Variants in TMEM132D observed in about 807,000 individuals in gnomAD.
TMEM132D encodes the protein transmembrane protein 132D, also known as mature OL transmembrane protein.
In TMEM132D, 21 loss-of-function variants were observed where a neutral mutation model predicts 62.3. The ratio of observed to expected loss-of-function variants is 0.34; its 90% confidence interval spans 0.24 to 0.49. The LOEUF is 0.49. Among genes scored for constraint, TMEM132D ranks in the 20% least tolerant of loss-of-function variants. The probability of loss-of-function intolerance (pLI) is 0.99; values close to 1 mark genes in which losing one functional copy is unlikely to be tolerated. For synonymous variants in TMEM132D, 621 were observed against 575.6 expected (o/e 1.08, Z -1.13); for missense variants, 1,346 against 1,402.8 (o/e 0.96, Z 0.65).
chr12:129,493,023 G>A (rs1204629740), intron 3 of TMEM132D, among the ~76,000 whole-genome samples: 1 of 152,172 alleles, frequency 6.6e-6, no homozygotes, highest in Non-Finnish European at 1.5e-5. Flanking sequence ...GGAATTCTCA[G>A]CTCGGAAATA....
At chr12:129,841,218 C>G (rs1387738532) in intron 1 of TMEM132D, among the ~76,000 whole-genome samples, 1 of 151,968 alleles carries the variant, frequency 6.6e-6, no homozygotes, top group East Asian at 1.9e-4. Context: ...TCAGCGTGCT[C>G]TCTACTATCC....
intron 5 of TMEM132D, among the ~76,000 whole-genome samples, chr12:129,089,353 CCGGGGTGTCCTCTA>C (rs1874810902): frequency 1.7e-5 from 1 of 57,656 alleles, no homozygotes; most frequent in African/African-American, 1.2e-4. Flanking sequence ...TCCTCCATGA[CCGGGGTGTCCTCTA>C]TGACCGGGAT....
chr12:129,872,353 G>C (rs915953433), intron 1 of TMEM132D, among the ~76,000 whole-genome samples: 2 of 152,126 alleles, frequency 1.3e-5, no homozygotes, highest in African/African-American at 4.8e-5. Flanking sequence ...TGACAGCATC[G>C]TGAACGTGAA....
intron 4 of TMEM132D, among the ~76,000 whole-genome samples, chr12:129,210,630 A>C (rs144355680): frequency 1.1e-4 from 16 of 152,236 alleles, no homozygotes; most frequent in African/African-American, 3.6e-4. Context: ...ACTTTTACTT[A>C]TAGTTATTTA....
intron 1 of TMEM132D, among the ~76,000 whole-genome samples, chr12:129,838,782 C>G (rs1256606745): frequency 6.6e-6 from 1 of 152,088 alleles, no homozygotes; most frequent in East Asian, 1.9e-4. Flanking sequence ...CAAAGACAAG[C>G]AAATTAAAAG....
Position 129,699,677 on chromosome 12 carries a change from G to A in TMEM132D, c.968+133C>T, listed in dbSNP as rs568937252. 4.5e-4 allele frequency: 498 copies of A among 1,103,374 alleles called. 1 individual carries two copies. The highest frequency in any genetic ancestry group is 8.8e-4 in the Middle Eastern group (3 of 3,408). The allele number at this position is 1,103,374 out of a possible 1,614,324, so 68.3% of individuals were successfully genotyped here. ...ACTGGTCTCTGTATTCCACGGTGCA[G>A]ATGGAGTTTGTAAGAACGGGAAGGC... On this transcript the variant is annotated intron_variant, in intron 2 of 8. Transcript: ENST00000422113.
At chr12:129,522,040 C>A (rs11060389) in intron 3 of TMEM132D, among the ~76,000 whole-genome samples, 1 of 151,756 alleles carries the variant, frequency 6.6e-6, no homozygotes, top group African/African-American at 2.4e-5. Flanking sequence ...TAATTTATAA[C>A]GCAAGAGCTT....
intron 4 of TMEM132D, among the ~76,000 whole-genome samples, chr12:129,244,151 C>G (rs1406217081): frequency 2.0e-5 from 3 of 151,998 alleles, no homozygotes; most frequent in Non-Finnish European, 2.9e-5. Context: ...TTTGGGAGGC[C>G]GAGGCGGGCA....
intron 3 of TMEM132D, among the ~76,000 whole-genome samples, chr12:129,402,722 G>A (rs1293307241): frequency 6.6e-6 from 1 of 152,128 alleles, no homozygotes; most frequent in Non-Finnish European, 1.5e-5. Flanking sequence ...TTGAAGGGTA[G>A]AGAAATTCTT....
At chr12:129,781,581 C>G (rs1280358151) in intron 1 of TMEM132D, among the ~76,000 whole-genome samples, 2 of 152,146 alleles carry the variant, frequency 1.3e-5, no homozygotes, top group Non-Finnish European at 2.9e-5. Context: ...AGTTCTGAAA[C>G]TCTCAACATA....
intron 3 of TMEM132D, among the ~76,000 whole-genome samples, chr12:129,530,470 G>A (rs945786507): frequency 1.3e-5 from 2 of 152,116 alleles, no homozygotes; most frequent in African/African-American, 4.8e-5. Context: ...GCCTCCCTTT[G>A]CCCAGCTGTG....
At chr12:129,792,108 A>G (rs1487195660) in intron 1 of TMEM132D, among the ~76,000 whole-genome samples, 1 of 152,242 alleles carries the variant, frequency 6.6e-6, no homozygotes, top group African/African-American at 2.4e-5. Context: ...AGTGAAAAGC[A>G]AGAGAGATAC....
intron 5 of TMEM132D, among the ~76,000 whole-genome samples, chr12:129,178,906 G>T (rs1320292524): frequency 6.6e-6 from 1 of 152,208 alleles, no homozygotes; most frequent in African/African-American, 2.4e-5. Flanking sequence ...CAAGCAAGGG[G>T]TTACAAAGCA....
chr12:129,701,774 A>T (rs1312042069), intron 1 of TMEM132D, among the ~76,000 whole-genome samples: 4 of 152,208 alleles, frequency 2.6e-5, no homozygotes, highest in Non-Finnish European at 5.9e-5. Flanking sequence ...GTTATGCTGA[A>T]GCCCTTCTCG....
chr12:129,424,639 C>T (rs1374467564), intron 3 of TMEM132D, among the ~76,000 whole-genome samples: 1 of 127,560 alleles, frequency 7.8e-6, no homozygotes, highest in South Asian at 2.7e-4. Flanking sequence ...ACCCGGGAGG[C>T]GGAGCTTGCA....
rs527448532 is a variant in TMEM132D, at chr12:129,656,263, G to A, written c.968+43547C>T. 5.6e-5 allele frequency among the ~76,000 whole-genome samples: 8 copies of A among 143,428 alleles called. No individual in the cohort carries two copies. In the East Asian group the frequency reaches 1.7e-3, roughly 31 times the overall value. The allele number at this position is 143,428 out of a possible 152,430, so 94.1% of individuals were successfully genotyped here. Reference sequence around the variant, plus strand: ...AGAAGGAAGAAAAGAATGAAGGAAGGAGAAAAGGAAAGAATGAAAGGGAAG... The same window carrying A: ...AGAAGGAAGAAAAGAATGAAGGAAGAAGAAAAGGAAAGAATGAAAGGGAAG... On this transcript the variant is annotated intron_variant, in intron 2 of 8. Coordinates refer to ENST00000422113, the MANE Select transcript of TMEM132D (RefSeq NM_133448.3).
At chr12:129,798,235 C>T (rs534179671) in intron 1 of TMEM132D, among the ~76,000 whole-genome samples, 3 of 152,218 alleles carry the variant, frequency 2.0e-5, no homozygotes, top group South Asian at 2.1e-4. Flanking sequence ...TATAAATTAT[C>T]GTCTAGGTAC....
At chr12:129,657,651 A>G (rs1880126003) in intron 2 of TMEM132D, among the ~76,000 whole-genome samples, 1 of 152,206 alleles carries the variant, frequency 6.6e-6, no homozygotes, top group Non-Finnish European at 1.5e-5. Flanking sequence ...GGCAAACACA[A>G]TGGGCCATTT....
chr12:129,654,667 T>A (rs1880024699), intron 2 of TMEM132D, among the ~76,000 whole-genome samples: 1 of 152,198 alleles, frequency 6.6e-6, no homozygotes, highest in Non-Finnish European at 1.5e-5. Context: ...GAGGTGGCAA[T>A]CATTTGGACC....
Sources: allele counts gnomAD v4.1 joint callset (sites outside exome capture counted in the v4.1 genomes callset), GRCh38; gene constraint gnomAD v4.1.1; transcripts MANE v1.5; gene names NCBI Gene and HGNC (gene_info 2026-07-23, HGNC 2026-07-21).